The following SCPPPQ1 variants were observed in gnomAD, a reference collection of about 807,000 sequenced individuals.
SCPPPQ1 encodes secretory calcium-binding phosphoprotein proline- and glutamine-rich 1.
At chr4:87,467,464 G>A in the SCPPPQ1 span, among the ~76,000 whole-genome samples, 1 of 152,178 alleles carries the variant, frequency 6.6e-6, no homozygotes, top group East Asian at 1.9e-4. Flanking sequence ...CTTAGAGAAA[G>A]AAAGCAACAA....
the SCPPPQ1 span, among the ~76,000 whole-genome samples, chr4:87,467,474 A>C: frequency 6.6e-6 from 1 of 152,234 alleles, no homozygotes. Context: ...GAAAGCAACA[A>C]GGTGAATTTG....
chr4:87,463,108 C>A, the SCPPPQ1 span, among the ~76,000 whole-genome samples: 10 of 151,202 alleles, frequency 6.6e-5, no homozygotes, highest in African/African-American at 2.4e-4. Flanking sequence ...TAAAAAATAC[C>A]TTTTTAGACT....
At chr4:87,463,156 G>A in the SCPPPQ1 span, among the ~76,000 whole-genome samples, 3 of 152,058 alleles carry the variant, frequency 2.0e-5, 1 homozygote, top group South Asian at 6.2e-4. Context: ...GAGGAAATGA[G>A]TTTATAACTT....
chr4:87,470,437 C>T, the SCPPPQ1 span, among the ~76,000 whole-genome samples: 17 of 152,046 alleles, frequency 1.1e-4, no homozygotes, highest in African/African-American at 4.1e-4. Flanking sequence ...CTGTTATTGC[C>T]AGTTATAGTT....
the SCPPPQ1 span, among the ~76,000 whole-genome samples, chr4:87,462,445 G>A: frequency 1.3e-5 from 2 of 151,768 alleles, no homozygotes; most frequent in Non-Finnish European, 2.9e-5. Flanking sequence ...AACAACAAAA[G>A]GGATATATAC....
the SCPPPQ1 span, among the ~76,000 whole-genome samples, chr4:87,465,559 C>CAAAAAAAAAAAAAAAAA: frequency 1.0e-5 from 1 of 98,310 alleles, no homozygotes; most frequent in Non-Finnish European, 2.0e-5. Flanking sequence ...TAGAAATCTA[C>CAAAAAAAAAAAAAAAAA]AAAAAAAAAA....
chr4:87,465,212 G>A, the SCPPPQ1 span, among the ~76,000 whole-genome samples: 1 of 152,100 alleles, frequency 6.6e-6, no homozygotes, highest in Non-Finnish European at 1.5e-5. Flanking sequence ...GGGCAGACAT[G>A]GAGCTTACAT....
At chr4:87,463,171 G>A in the SCPPPQ1 span, among the ~76,000 whole-genome samples, 2 of 151,944 alleles carry the variant, frequency 1.3e-5, no homozygotes, top group Non-Finnish European at 2.9e-5. Context: ...TAACTTATGA[G>A]TTCTAGTTTG....
At chr4:87,466,649 T>C in the SCPPPQ1 span, among the ~76,000 whole-genome samples, 2 of 152,188 alleles carry the variant, frequency 1.3e-5, no homozygotes, top group African/African-American at 4.8e-5. Context: ...AATTTAGATA[T>C]AAAAACAGTT....
chr4:87,470,570 G>A, the SCPPPQ1 span, among the ~76,000 whole-genome samples: 1 of 151,944 alleles, frequency 6.6e-6, no homozygotes, highest in Non-Finnish European at 1.5e-5. Flanking sequence ...TGGTCCATTG[G>A]TTCTGAAAGG....
At chr4:87,460,920 A>G in the SCPPPQ1 span, 1 of 152,644 alleles carries the variant, frequency 6.6e-6, no homozygotes, top group East Asian at 1.9e-4. Context: ...TTATAAAACT[A>G]CCATCAACTA....
the SCPPPQ1 span, among the ~76,000 whole-genome samples, chr4:87,465,605 A>G: frequency 2.3e-4 from 35 of 150,814 alleles, no homozygotes; most frequent in African/African-American, 8.5e-4. Context: ...TGTGAATGAA[A>G]CTGTGAACAC....
chr4:87,469,518 A>T, the SCPPPQ1 span, among the ~76,000 whole-genome samples: 1 of 152,138 alleles, frequency 6.6e-6, no homozygotes, highest in Admixed American at 6.6e-5. Flanking sequence ...AAAAGATAAG[A>T]CCTGCTTTCT....
chr4:87,463,586 A>G, the SCPPPQ1 span, among the ~76,000 whole-genome samples: 1 of 152,140 alleles, frequency 6.6e-6, no homozygotes, highest in Non-Finnish European at 1.5e-5. Context: ...TGCTTAGTAT[A>G]TTATTTATAT....
the SCPPPQ1 span, among the ~76,000 whole-genome samples, chr4:87,470,161 GC>G: frequency 6.6e-6 from 1 of 151,426 alleles, no homozygotes; most frequent in Non-Finnish European, 1.5e-5. Flanking sequence ...TTGCTATGTT[GC>G]CCCCCTGTTG....
chr4:87,467,812 G>C, the SCPPPQ1 span, among the ~76,000 whole-genome samples: 5 of 152,124 alleles, frequency 3.3e-5, no homozygotes, highest in Admixed American at 2.6e-4. Context: ...TGCTTACCAG[G>C]GGCGGTTGCG....
the SCPPPQ1 span, among the ~76,000 whole-genome samples, chr4:87,467,009 C>A: frequency 1.3e-5 from 2 of 152,124 alleles, no homozygotes; most frequent in Non-Finnish European, 2.9e-5. Flanking sequence ...CGCAAATTGC[C>A]TTGTGCTTTT....
At chr4:87,463,168 T>C in the SCPPPQ1 span, among the ~76,000 whole-genome samples, 62 of 152,266 alleles carry the variant, frequency 4.1e-4, no homozygotes, top group Non-Finnish European at 7.1e-4. Context: ...TTATAACTTA[T>C]GAGTTCTAGT....
chr4:87,468,466 G>C, the SCPPPQ1 span, among the ~76,000 whole-genome samples: 1 of 152,186 alleles, frequency 6.6e-6, no homozygotes, highest in Non-Finnish European at 1.5e-5. Context: ...GTGTGCAGGG[G>C]AGAGAGTTTC....
Sources: allele counts gnomAD v4.1 joint callset (sites outside exome capture counted in the v4.1 genomes callset), GRCh38; gene constraint gnomAD v4.1.1; transcripts MANE v1.5; gene names NCBI Gene and HGNC (gene_info 2026-07-23, HGNC 2026-07-21).